The following CIB4 variants were observed in gnomAD, a reference collection of about 807,000 sequenced individuals.
The protein encoded by CIB4 is calcium and integrin-binding family member 4.
A neutral mutation model predicts 25.8 loss-of-function variants in CIB4; 25 were observed. The ratio of observed to expected loss-of-function variants is 0.97; its 90% confidence interval spans 0.71 to 1.35. CIB4 has a LOEUF of 1.35. Among genes scored for constraint, CIB4 ranks in the 40% most tolerant of loss-of-function variants. The pLI, the probability that CIB4 is intolerant of heterozygous loss-of-function variation, is 0.00. For synonymous variants in CIB4, 75 were observed against 81.4 expected, an observed-to-expected ratio of 0.92 and a Z score of 0.42; for missense variants, 235 against 228.2, an observed-to-expected ratio of 1.03 and a Z score of -0.19.
chr2:26,585,372 G>A (rs371273117), intron 4 of CIB4, among the ~76,000 whole-genome samples: 1 of 151,928 alleles, frequency 6.6e-6, no homozygotes, highest in Non-Finnish European at 1.5e-5. Context: ...GGAGGGCCTG[G>A]GTGGAGAAGC....
intron 3 of CIB4, among the ~76,000 whole-genome samples, chr2:26,625,452 A>G (rs1669285291): frequency 6.6e-6 from 1 of 151,126 alleles, no homozygotes; most frequent in Non-Finnish European, 1.5e-5. Flanking sequence ...TTCTGGGTTC[A>G]AGCGATTCTC....
intron 3 of CIB4, among the ~76,000 whole-genome samples, chr2:26,604,433 A>G (rs1053869307): frequency 9.9e-5 from 15 of 152,172 alleles, no homozygotes; most frequent in African/African-American, 3.4e-4. Flanking sequence ...CAGGAAACAC[A>G]CAGGTAGAGA....
chr2:26,623,382 T>A (rs944017088), intron 3 of CIB4: 6 of 234,300 alleles, frequency 2.6e-5, no homozygotes, highest in African/African-American at 1.4e-4. Context: ...ATTAAATTTT[T>A]AAAAATACAC....
At chr2:26,598,665 G>A (rs1044949299) in intron 3 of CIB4, among the ~76,000 whole-genome samples, 6 of 152,206 alleles carry the variant, frequency 3.9e-5, no homozygotes, top group Admixed American at 6.5e-5. Flanking sequence ...GGCCTGGCAG[G>A]CACCTGCCAG....
chr2:26,596,244 G>A (rs747869333), intron 3 of CIB4, among the ~76,000 whole-genome samples: 1 of 152,108 alleles, frequency 6.6e-6, no homozygotes. Flanking sequence ...ACCATTGCTG[G>A]GGAAAAGTGA....
chr2:26,587,325 A>AAAAAAAAAAAAAC (rs1332345857), intron 4 of CIB4, among the ~76,000 whole-genome samples: 4 of 150,664 alleles, frequency 2.7e-5, no homozygotes, highest in Non-Finnish European at 5.9e-5. Flanking sequence ...AAAAAAAAAA[A>AAAAAAAAAAAAAC]AAAGAACCAC....
chr2:26,601,231 A>AAAAAAAATAT (rs1395827334), intron 3 of CIB4, among the ~76,000 whole-genome samples: 11 of 17,228 alleles, frequency 6.4e-4, no homozygotes, highest in African/African-American at 1.6e-3. Context: ...AAAAAAAAAA[A>AAAAAAAATAT]ATATATATAT....
intron 3 of CIB4, among the ~76,000 whole-genome samples, chr2:26,596,443 T>C (rs1412869813): frequency 1.3e-5 from 2 of 151,372 alleles, no homozygotes; most frequent in African/African-American, 4.9e-5. Context: ...TAAAAAAGAG[T>C]TAAAATATAG....
At chr2:26,581,439 G>A (rs369912158) in intron 6 of CIB4, 46 bp from the exon 7 acceptor site, 1 of 1,602,412 alleles carries the variant, frequency 6.2e-7, no homozygotes. Flanking sequence ...CAGGTCCAAG[G>A]GGCCCTCTGA....
At chr2:26,633,507 C>G (rs901548482) in intron 2 of CIB4, among the ~76,000 whole-genome samples, 8 of 152,278 alleles carry the variant, frequency 5.3e-5, no homozygotes, top group Admixed American at 1.3e-4. Flanking sequence ...AGTCACCCCC[C>G]TGGAAAGTCC....
intron 6 of CIB4, 34 bp from the exon 7 acceptor site, chr2:26,581,427 C>A: frequency 2.5e-6 from 4 of 1,612,462 alleles, no homozygotes; most frequent in Non-Finnish European, 3.4e-6. Context: ...CATGTGAGCC[C>A]GCAGGTCCAA....
chr2:26,601,199 G>A (rs1040843223), intron 3 of CIB4, among the ~76,000 whole-genome samples: 2 of 126,648 alleles, frequency 1.6e-5, no homozygotes, highest in Non-Finnish European at 3.2e-5. Flanking sequence ...CAGCCTGAGT[G>A]ACAGAGTGAG....
chr2:26,588,957 TGCC>T (rs1172419817), intron 4 of CIB4, among the ~76,000 whole-genome samples: 3 of 151,330 alleles, frequency 2.0e-5, no homozygotes, highest in South Asian at 2.1e-4. Context: ...TGCTGGCTGC[TGCC>T]GCTGCTGCCG....
rs534781318 is a variant in CIB4, at chr2:26,627,244, G to T, written c.186+2166C>A. ...AGCCTTGATTAGAATAGGAGGCTCT[G>T]CCTGGGCCAGAGTTCAAGCTGACTC... On this transcript the variant is annotated intron_variant, in intron 3 of 6. Coordinates refer to ENST00000288861, the MANE Select transcript of CIB4 (RefSeq NM_001029881.3). This position sits in a 1 kb window ranked among gnomAD's most constrained non-coding sequence, Gnocchi z 4.0. Among the ~76,000 whole-genome samples, 3 of 152,208 alleles carry T rather than the reference G, an allele frequency of 2.0e-5. No homozygotes were observed. Among genetic ancestry groups the T allele is most frequent in the Non-Finnish European group, 4.4e-5 (3 of 68,034 alleles).
intron 3 of CIB4, among the ~76,000 whole-genome samples, chr2:26,607,808 G>A (rs937141706): frequency 7.2e-5 from 11 of 152,232 alleles, no homozygotes; most frequent in Admixed American, 1.3e-4. Flanking sequence ...TGTGTCCAGG[G>A]GTTCACCCTG....
chr2:26,604,430 C>G (rs935425938), intron 3 of CIB4, among the ~76,000 whole-genome samples: 2 of 151,930 alleles, frequency 1.3e-5, no homozygotes, highest in Non-Finnish European at 2.9e-5. Context: ...AGGCAGGAAA[C>G]ACACAGGTAG....
intron 3 of CIB4, among the ~76,000 whole-genome samples, chr2:26,628,872 G>T (rs894815305): frequency 1.3e-5 from 2 of 152,182 alleles, no homozygotes; most frequent in African/African-American, 4.8e-5. Context: ...CTTCCTCAAG[G>T]CCTAATGGTC....
intron 3 of CIB4, among the ~76,000 whole-genome samples, chr2:26,614,822 A>G (rs1264945252): frequency 6.6e-6 from 1 of 152,208 alleles, no homozygotes; most frequent in Admixed American, 6.5e-5. Flanking sequence ...AAGGAAGCTG[A>G]GGCTCCGGGA....
In CIB4 at chr2:26,589,094, T is replaced by TC. The variant is rs1310076262; in HGVS notation, c.329-5197dup. Among the ~76,000 whole-genome samples the TC allele has an allele frequency of 2.4e-4, 25 of 104,562 alleles. 1 individual carries two copies. Among genetic ancestry groups the TC allele is most frequent in the Non-Finnish European group, 3.8e-4 (20 of 52,204 alleles). The allele number at this position is 104,562 out of a possible 152,430, so 68.6% of individuals were successfully genotyped here. ...TTCCTCTTCTTCTTCTTCTTCTTCT[T>TC]CTTCTTCTTCTTCCTCTTCTTCTTC... On this transcript the variant is annotated intron_variant, in intron 4 of 6. Coordinates refer to ENST00000288861, the MANE Select transcript of CIB4 (RefSeq NM_001029881.3).
Sources: allele counts gnomAD v4.1 joint callset (sites outside exome capture counted in the v4.1 genomes callset), GRCh38; gene constraint gnomAD v4.1.1; non-coding constraint Gnocchi (gnomAD v3.1); transcripts MANE v1.5; gene names NCBI Gene and HGNC (gene_info 2026-07-23, HGNC 2026-07-21).